TCF7L2: variants seen among roughly 807,000 people sequenced by gnomAD.
The protein encoded by TCF7L2 is transcription factor 7-like 2.
TCF7L2 carries 23 observed loss-of-function variants against 77.9 expected under a neutral mutation model. The ratio of observed to expected loss-of-function variants is 0.30; its 90% CI spans 0.21 to 0.42. The LOEUF (loss-of-function observed/expected upper bound fraction) is 0.42, where lower values mean the gene tolerates loss of function less well. Among genes scored for constraint, TCF7L2 ranks in the 10% least tolerant of loss-of-function variants. The probability of loss-of-function intolerance (pLI) is 1.00; values close to 1 mark genes in which losing one functional copy is unlikely to be tolerated. For missense variants in TCF7L2, 654 were observed against 793.1 expected, an observed-to-expected ratio of 0.82 and a Z score of 2.11; for synonymous variants, 413 against 340.2, an observed-to-expected ratio of 1.21 and a Z score of -2.36.
chr10:112,967,425 C>G (rs1321363931), intron 4 of TCF7L2, among the ~76,000 whole-genome samples: 1 of 152,142 alleles, frequency 6.6e-6, no homozygotes, highest in Non-Finnish European at 1.5e-5. Context: ...CTCAGCCAAG[C>G]TCACTGTTTA....
At chr10:113,159,198 A>C (rs1262073419) in intron 12 of TCF7L2, among the ~76,000 whole-genome samples, 5 of 151,604 alleles carry the variant, frequency 3.3e-5, no homozygotes, top group Admixed American at 3.3e-4. Context: ...CATAATTTGC[A>C]AGTCCACTAG....
intron 12 of TCF7L2, 150 bp from the exon 14 acceptor site, chr10:113,159,770 C>A: frequency 1.7e-6 from 1 of 590,294 alleles, no homozygotes; most frequent in Non-Finnish European, 3.0e-6. Flanking sequence ...CAATTAGTAA[C>A]CAGGTCATTG....
At chr10:113,118,096 G>A (rs546655303) in intron 5 of TCF7L2, among the ~76,000 whole-genome samples, 1 of 152,202 alleles carries the variant, frequency 6.6e-6, no homozygotes, top group Admixed American at 6.5e-5. Context: ...GCTGGGCTCA[G>A]CCCAGCAGAC....
intron 5 of TCF7L2, among the ~76,000 whole-genome samples, chr10:113,104,419 AATAG>A (rs2135959824): frequency 6.6e-6 from 1 of 152,318 alleles, no homozygotes; most frequent in East Asian, 1.9e-4. Context: ...GCCTGAATTT[AATAG>A]ATGTCATCTG....
chr10:113,128,712 A>G (rs939348951), intron 5 of TCF7L2, among the ~76,000 whole-genome samples: 3 of 152,064 alleles, frequency 2.0e-5, no homozygotes, highest in African/African-American at 7.2e-5. Context: ...TGTCCCCTGC[A>G]ACTTTTTCTG....
chr10:112,962,054 A>T (rs555207934), intron 3 of TCF7L2, among the ~76,000 whole-genome samples: 1 of 152,318 alleles, frequency 6.6e-6, no homozygotes, highest in East Asian at 1.9e-4. Flanking sequence ...GGTGATGATG[A>T]AGGCAAGGAT....
chr10:113,018,979 G>A (rs893082024), intron 4 of TCF7L2, among the ~76,000 whole-genome samples: 2 of 152,172 alleles, frequency 1.3e-5, no homozygotes, highest in African/African-American at 2.4e-5. Context: ...AACCCAAGCA[G>A]CGTCCAGAGG....
intron 3 of TCF7L2, among the ~76,000 whole-genome samples, chr10:112,961,265 C>A (rs867968708): frequency 5.9e-5 from 8 of 134,810 alleles, no homozygotes; most frequent in Non-Finnish European, 7.9e-5. Flanking sequence ...CCCCCCCCCC[C>A]CCAACCTCGG....
Position 113,165,878 on chromosome 10 carries a change from T to C in TCF7L2, c.1715T>C (p.Ile572Thr), listed in dbSNP as rs540099279. 6.8e-6 allele frequency: 11 copies of C among 1,606,066 alleles called. No individual in the cohort carries two copies. In the Admixed American group the frequency reaches 1.2e-4, roughly 17 times the overall value. ...CAGCCTGCCGCCCCCTCCTCATCAATTGCACAGCCGTCGACTTCTTCCTTA... is the reference window on the plus strand; with the variant it reads ...CAGCCTGCCGCCCCCTCCTCATCAACTGCACAGCCGTCGACTTCTTCCTTA... The change falls in exon 14 of 14, where the codon ATT (isoleucine) becomes ACT (threonine). Residue 572 changes from isoleucine to threonine, a missense_variant. Transcript: ENST00000627217.
intron 4 of TCF7L2, among the ~76,000 whole-genome samples, chr10:113,007,578 C>T (rs191912306): frequency 6.6e-6 from 1 of 152,226 alleles, no homozygotes; most frequent in Non-Finnish European, 1.5e-5. Flanking sequence ...GTTGTGGCAG[C>T]ATCACCGAGG....
At chr10:113,018,612 G>A (rs1285319705) in intron 4 of TCF7L2, among the ~76,000 whole-genome samples, 3 of 152,030 alleles carry the variant, frequency 2.0e-5, no homozygotes, top group Non-Finnish European at 4.4e-5. Context: ...GATCACAGGT[G>A]CCCACTACCA....
At chr10:113,086,838 G>T (rs990576727) in intron 5 of TCF7L2, among the ~76,000 whole-genome samples, 13 of 151,564 alleles carry the variant, frequency 8.6e-5, no homozygotes, top group Non-Finnish European at 1.9e-4. Context: ...TGAACTTTTT[G>T]TAAGACATCT....
intron 5 of TCF7L2, among the ~76,000 whole-genome samples, chr10:113,089,094 C>A (rs2135603592): frequency 6.6e-6 from 1 of 152,238 alleles, no homozygotes; most frequent in African/African-American, 2.4e-5. Context: ...CTAACTGGTT[C>A]TTGAGAGGCT....
intron 5 of TCF7L2, among the ~76,000 whole-genome samples, chr10:113,107,772 A>AAAAAAAAAAAAAAAAAAAAAAT (rs2062576529): frequency 6.6e-6 from 1 of 151,132 alleles, no homozygotes; most frequent in Non-Finnish European, 1.5e-5. Flanking sequence ...AAAAAAAAAA[A>AAAAAAAAAAAAAAAAAAAAAAT]AAAACAACAA....
chr10:113,092,249 G>A (rs1028164859), intron 5 of TCF7L2, among the ~76,000 whole-genome samples: 9 of 152,166 alleles, frequency 5.9e-5, no homozygotes, highest in South Asian at 2.1e-4. Context: ...AAAATGCCAC[G>A]TTTCCAGGAT....
At chr10:112,977,876 G>C (rs943094874) in intron 4 of TCF7L2, among the ~76,000 whole-genome samples, 1 of 152,190 alleles carries the variant, frequency 6.6e-6, no homozygotes, top group Non-Finnish European at 1.5e-5. Context: ...CCTGCTGTCG[G>C]GGAGCAGCGC....
intron 3 of TCF7L2, among the ~76,000 whole-genome samples, chr10:112,957,241 A>G (rs1297009283): frequency 7.9e-5 from 5 of 63,058 alleles, no homozygotes; most frequent in Non-Finnish European, 1.4e-4. Context: ...TATATTGTGC[A>G]TTTTCCCCAG....
At chr10:112,969,983 GTTTCCC>G (rs1278448860) in intron 4 of TCF7L2, among the ~76,000 whole-genome samples, 1 of 152,160 alleles carries the variant, frequency 6.6e-6, no homozygotes, top group East Asian at 1.9e-4. Context: ...CACAGAAGAT[GTTTCCC>G]TTGGTTTTTG....
At chr10:113,126,473 T>A (rs2065626402) in intron 5 of TCF7L2, among the ~76,000 whole-genome samples, 1 of 152,156 alleles carries the variant, frequency 6.6e-6, no homozygotes, top group Non-Finnish European at 1.5e-5. Flanking sequence ...CCTTTATGTT[T>A]GCTAAGTCGG....
Sources: gnomAD v4.1 joint callset for allele counts (sites outside exome capture counted in the v4.1 genomes callset) on GRCh38, gnomAD v4.1.1 for gene constraint, MANE v1.5 for transcripts, NCBI Gene and HGNC (gene_info 2026-07-23, HGNC 2026-07-21) for gene names.